MYO1E: variants seen among roughly 807,000 people sequenced by gnomAD.
MYO1E encodes the protein myosin IE.
A neutral mutation model predicts 151.1 loss-of-function variants in MYO1E; 68 were observed. That is an observed-to-expected ratio of 0.45 (90% confidence interval 0.37 to 0.55). The LOEUF is 0.55. Ranked by LOEUF, MYO1E falls within the 20% of genes least tolerant of loss-of-function variation. MYO1E has a pLI of 0.00. For synonymous variants in MYO1E, 601 were observed against 501.7 expected (o/e 1.20, Z -2.64); for missense variants, 1,363 against 1,389.3 (o/e 0.98, Z 0.30).
intron 1 of MYO1E, among the ~76,000 whole-genome samples, chr15:59,309,409 A>G (rs1400799282): frequency 6.6e-6 from 1 of 152,216 alleles, no homozygotes; most frequent in African/African-American, 2.4e-5. Flanking sequence ...TTGTCAAAGG[A>G]TTTTCCATTG....
chr15:59,255,702 TA>T (rs1197162043), intron 4 of MYO1E, among the ~76,000 whole-genome samples: 3 of 151,978 alleles, frequency 2.0e-5, no homozygotes, highest in African/African-American at 4.8e-5. Flanking sequence ...CTGAAGAGCT[TA>T]AAAAAAATTG....
intron 1 of MYO1E, among the ~76,000 whole-genome samples, chr15:59,367,576 G>A (rs532833723): frequency 6.6e-6 from 1 of 152,318 alleles, no homozygotes; most frequent in South Asian, 2.1e-4. Context: ...CTTAGAGAAT[G>A]CATAGGCTGA....
At chr15:59,277,160 T>A (rs898103021) in intron 1 of MYO1E, among the ~76,000 whole-genome samples, 3 of 152,114 alleles carry the variant, frequency 2.0e-5, no homozygotes, top group Non-Finnish European at 4.4e-5. Context: ...CTACAAAGAG[T>A]AAACTGCACA....
At chr15:59,169,059 ATGT>A (rs1423793866) in intron 22 of MYO1E, among the ~76,000 whole-genome samples, 2 of 152,234 alleles carry the variant, frequency 1.3e-5, no homozygotes, top group Non-Finnish European at 2.9e-5. Flanking sequence ...TCATGCTCAC[ATGT>A]TGTCTTGTAA....
chr15:59,137,940 G>A (rs1422554025), intron 27 of MYO1E, among the ~76,000 whole-genome samples: 2 of 152,216 alleles, frequency 1.3e-5, no homozygotes, highest in Non-Finnish European at 2.9e-5. Flanking sequence ...TGATATGTTG[G>A]CCTGGAATTG....
chr15:59,183,617 G>A (rs2079678123), intron 18 of MYO1E, among the ~76,000 whole-genome samples: 1 of 152,066 alleles, frequency 6.6e-6, no homozygotes, highest in Admixed American at 6.6e-5. Context: ...ATGCAATGTG[G>A]AATAACCACA....
chr15:59,211,977 A>G (rs1376498015), intron 12 of MYO1E, among the ~76,000 whole-genome samples: 1 of 151,972 alleles, frequency 6.6e-6, no homozygotes, highest in Non-Finnish European at 1.5e-5. Context: ...TGACCCTTTC[A>G]AAAACACAAC....
At position 59,227,450 on chromosome 15, in the gene MYO1E, C is replaced by T. The variant is rs772674499; in HGVS notation, c.642+9G>A. On this transcript the variant is annotated intron_variant, in intron 7 of 27. Transcript: ENST00000288235. ...AGGAAGTGGGTAGGAAAAAAGTAAA[C>T]AGGAAAACCTGGTAAAATATGTGAA... 3 of 1,614,064 alleles carry T rather than the reference C, an allele frequency of 1.9e-6. No individual in the cohort carries two copies. The highest frequency in any genetic ancestry group is 2.5e-6 in the Non-Finnish European group (3 of 1,179,960).
intron 18 of MYO1E, among the ~76,000 whole-genome samples, chr15:59,182,877 T>C (rs1446998417): frequency 6.6e-6 from 1 of 152,206 alleles, no homozygotes; most frequent in Non-Finnish European, 1.5e-5. Flanking sequence ...AATTTTTCTA[T>C]GGACGGGGTT....
intron 1 of MYO1E, among the ~76,000 whole-genome samples, chr15:59,367,326 C>A (rs2080920165): frequency 6.6e-6 from 1 of 151,738 alleles, no homozygotes; most frequent in African/African-American, 2.4e-5. Context: ...CATTATCTAA[C>A]CCTCAGGAAA....
At chr15:59,320,475 C>A (rs2080618947) in intron 1 of MYO1E, among the ~76,000 whole-genome samples, 1 of 152,080 alleles carries the variant, frequency 6.6e-6, no homozygotes, top group South Asian at 2.1e-4. Flanking sequence ...AAAATAGACA[C>A]ATTGACCAAT....
chr15:59,275,175 A>G (rs1228142101), intron 1 of MYO1E, among the ~76,000 whole-genome samples: 1 of 152,164 alleles, frequency 6.6e-6, no homozygotes, highest in Non-Finnish European at 1.5e-5. Flanking sequence ...TCATACATGA[A>G]TGACTGACTT....
At chr15:59,138,717 C>T (rs576028615) in intron 26 of MYO1E, among the ~76,000 whole-genome samples, 8 of 152,224 alleles carry the variant, frequency 5.3e-5, no homozygotes, top group East Asian at 1.9e-4. Context: ...CCTCAAGTTT[C>T]GAAATGGAAC....
At chr15:59,351,042 G>A (rs532283573) in intron 1 of MYO1E, among the ~76,000 whole-genome samples, 3 of 152,088 alleles carry the variant, frequency 2.0e-5, no homozygotes, top group African/African-American at 2.4e-5. Context: ...GACTACAGGC[G>A]TCCACCACCA....
intron 22 of MYO1E, among the ~76,000 whole-genome samples, chr15:59,166,174 A>G (rs2079561854): frequency 6.6e-6 from 1 of 152,258 alleles, no homozygotes; most frequent in African/African-American, 2.4e-5. Context: ...TCAATGATCC[A>G]GGCATTGGAG....
At chr15:59,296,415 T>A (rs1283319489) in intron 1 of MYO1E, among the ~76,000 whole-genome samples, 1 of 152,186 alleles carries the variant, frequency 6.6e-6, no homozygotes, top group Non-Finnish European at 1.5e-5. Flanking sequence ...CCTACTGACC[T>A]CAATTTGCGG....
chr15:59,292,113 T>G (rs1215410701), intron 1 of MYO1E, among the ~76,000 whole-genome samples: 4 of 152,188 alleles, frequency 2.6e-5, no homozygotes, highest in African/African-American at 9.7e-5. Context: ...TAAATTTTGT[T>G]TGGTGAGTGG....
chr15:59,238,518 G>A (rs1227328541), intron 4 of MYO1E, among the ~76,000 whole-genome samples: 2 of 152,184 alleles, frequency 1.3e-5, no homozygotes, highest in African/African-American at 2.4e-5. Flanking sequence ...TAATGTATGG[G>A]CAAAAACAAA....
chr15:59,336,592 T>A (rs1015204145), intron 1 of MYO1E, among the ~76,000 whole-genome samples: 7 of 152,134 alleles, frequency 4.6e-5, no homozygotes, highest in Non-Finnish European at 8.8e-5. Flanking sequence ...CCTGGTCTTT[T>A]TTTGTTTTGT....
Sources: gnomAD v4.1 joint callset for allele counts (sites outside exome capture counted in the v4.1 genomes callset) on GRCh38, gnomAD v4.1.1 for gene constraint, MANE v1.5 for transcripts, NCBI Gene and HGNC (gene_info 2026-07-23, HGNC 2026-07-21) for gene names.